Variants in ROBO1 observed in about 807,000 individuals in gnomAD.
ROBO1 encodes the protein roundabout guidance receptor 1.
A neutral mutation model predicts 195.9 loss-of-function variants in ROBO1; 149 were observed. The ratio of observed to expected loss-of-function variants is 0.76; its 90% CI spans 0.67 to 0.87. The LOEUF is 0.87. ROBO1 is among the 40% of genes least tolerant of loss of function. The probability of loss-of-function intolerance (pLI) is 0.00; values close to 1 mark genes in which losing one functional copy is unlikely to be tolerated. For missense variants in ROBO1, 1,933 were observed against 2,068.3 expected, an observed-to-expected ratio of 0.93 and a Z score of 1.27; for synonymous variants, 816 against 733.2, an observed-to-expected ratio of 1.11 and a Z score of -1.82.
intron 2 of ROBO1, among the ~76,000 whole-genome samples, chr3:79,189,344 G>A (rs958625993): frequency 5.9e-5 from 9 of 151,630 alleles, no homozygotes; most frequent in African/African-American, 2.2e-4. Flanking sequence ...ACCAATTCTG[G>A]ATGATAATTT....
chr3:79,664,503 C>T (rs1946419963), intron 1 of ROBO1, among the ~76,000 whole-genome samples: 1 of 152,072 alleles, frequency 6.6e-6, no homozygotes, highest in African/African-American at 2.4e-5. Context: ...AACTTAATGT[C>T]AGAAATATGC....
rs34094035 is a variant in ROBO1 at position 79,725,923 on chromosome 3, TA to T, written c.-51+41828del. Among the ~76,000 whole-genome samples, 1,419 of 149,628 alleles carry T rather than the reference TA, an allele frequency of 9.5e-3. 13 individuals are homozygous for T. The highest frequency in any genetic ancestry group is 0.034 in the Middle Eastern group (10 of 292). ...GACACTTAAAAAAAAAAACTTTTCT[TA>T]AAAAAAAAAGTATATCTGGCACTTG... On this transcript the variant is annotated intron_variant, in intron 1 of 30. Coordinates refer to ENST00000464233, the MANE Select transcript of ROBO1 (RefSeq NM_002941.4).
chr3:79,124,706 C>G (rs1338122769), intron 3 of ROBO1, among the ~76,000 whole-genome samples: 1 of 152,136 alleles, frequency 6.6e-6, no homozygotes, highest in African/African-American at 2.4e-5. Context: ...ACAACATTAT[C>G]TAATTCAATG....
At chr3:79,388,113 G>A (rs2036821411) in intron 2 of ROBO1, among the ~76,000 whole-genome samples, 1 of 152,062 alleles carries the variant, frequency 6.6e-6, no homozygotes, top group African/African-American at 2.4e-5. Context: ...ATCTTTTATA[G>A]TGAAACTAAG....
At chr3:79,314,699 C>T (rs932380544) in intron 2 of ROBO1, among the ~76,000 whole-genome samples, 4 of 152,122 alleles carry the variant, frequency 2.6e-5, no homozygotes, top group Non-Finnish European at 4.4e-5. Context: ...ATGTTCTCTT[C>T]GACAGCATAC....
chr3:79,222,354 A>T (rs1478850748), intron 2 of ROBO1, among the ~76,000 whole-genome samples: 1 of 152,044 alleles, frequency 6.6e-6, no homozygotes, highest in African/African-American at 2.4e-5. Context: ...TGCCTCTTAT[A>T]TTTCTTATAT....
At chr3:78,965,470 C>A (rs758172796) in intron 3 of ROBO1, among the ~76,000 whole-genome samples, 51 of 152,106 alleles carry the variant, frequency 3.4e-4, no homozygotes, top group Non-Finnish European at 7.4e-4. Flanking sequence ...TTTCCTACTT[C>A]TTTGAGCAGA....
At chr3:79,711,931 G>T (rs531056868) in intron 1 of ROBO1, among the ~76,000 whole-genome samples, 12 of 141,620 alleles carry the variant, frequency 8.5e-5, no homozygotes, top group African/African-American at 1.9e-4. Flanking sequence ...GGGCGGGTGG[G>T]TGGGGGAGCA....
intron 4 of ROBO1, among the ~76,000 whole-genome samples, chr3:78,757,073 G>C (rs1000722189): frequency 6.6e-6 from 1 of 152,142 alleles, no homozygotes; most frequent in Admixed American, 6.5e-5. Flanking sequence ...TGTACTTTTA[G>C]TAGAGACAGG....
chr3:78,633,204 C>G (rs1230530349), intron 24 of ROBO1, among the ~76,000 whole-genome samples: 1 of 152,202 alleles, frequency 6.6e-6, no homozygotes, highest in African/African-American at 2.4e-5. Flanking sequence ...GAGTCAAGAT[C>G]AGTCGGTTTT....
At chr3:78,902,615 G>A (rs557960626) in intron 4 of ROBO1, among the ~76,000 whole-genome samples, 95 of 152,068 alleles carry the variant, frequency 6.2e-4, no homozygotes, top group Non-Finnish European at 8.8e-4. Context: ...TTGAGAGGCC[G>A]GTGGATCACC....
At chr3:78,879,138 T>G (rs2036029482) in intron 4 of ROBO1, among the ~76,000 whole-genome samples, 1 of 152,214 alleles carries the variant, frequency 6.6e-6, no homozygotes. Flanking sequence ...TGTAACAAAT[T>G]TTTTGATTTA....
At chr3:79,324,855 T>C (rs2034138173) in intron 2 of ROBO1, among the ~76,000 whole-genome samples, 1 of 152,198 alleles carries the variant, frequency 6.6e-6, no homozygotes, top group African/African-American at 2.4e-5. Context: ...TAGGAAAAGA[T>C]AGTGTGTGGC....
At chr3:79,247,891 G>A (rs1243034385) in intron 2 of ROBO1, among the ~76,000 whole-genome samples, 2 of 152,084 alleles carry the variant, frequency 1.3e-5, no homozygotes, top group South Asian at 2.1e-4. Context: ...CCTGGCAGTG[G>A]AGCCTGGGAC....
At chr3:78,918,184 T>A (rs997618274) in intron 4 of ROBO1, among the ~76,000 whole-genome samples, 6 of 152,214 alleles carry the variant, frequency 3.9e-5, no homozygotes, top group Admixed American at 2.6e-4. Context: ...AAACCATTTA[T>A]GGAAAATTGT....
intron 3 of ROBO1, among the ~76,000 whole-genome samples, chr3:79,041,610 C>T (rs931372755): frequency 6.6e-6 from 1 of 152,124 alleles, no homozygotes; most frequent in African/African-American, 2.4e-5. Flanking sequence ...TAAGTAAAAA[C>T]TGTAATTAAG....
At chr3:79,003,604 A>G (rs1445650044) in intron 3 of ROBO1, among the ~76,000 whole-genome samples, 1 of 152,138 alleles carries the variant, frequency 6.6e-6, no homozygotes, top group Admixed American at 6.6e-5. Flanking sequence ...AAGCAGCAAA[A>G]AAAAGAAAGC....
chr3:79,276,510 T>A (rs2031046775), intron 2 of ROBO1, among the ~76,000 whole-genome samples: 1 of 151,974 alleles, frequency 6.6e-6, no homozygotes, highest in Non-Finnish European at 1.5e-5. Flanking sequence ...CCTCAAACTA[T>A]GAAACTATGA....
chr3:79,740,229 A>G (rs1171825846), intron 1 of ROBO1, among the ~76,000 whole-genome samples: 2 of 32,314 alleles, frequency 6.2e-5, no homozygotes, highest in Non-Finnish European at 1.4e-4. Flanking sequence ...ATATAAATTT[A>G]TATATAAATA....
Sources: gnomAD v4.1 joint callset for allele counts (sites outside exome capture counted in the v4.1 genomes callset) on GRCh38, gnomAD v4.1.1 for gene constraint, MANE v1.5 for transcripts, NCBI Gene and HGNC (gene_info 2026-07-23, HGNC 2026-07-21) for gene names.